ZNF385B: variants seen among roughly 807,000 people sequenced by gnomAD.
ZNF385B encodes the protein zinc finger protein 533.
A neutral mutation model predicts 39.2 loss-of-function variants in ZNF385B; 23 were observed. The observed-to-expected ratio is 0.59, with a 90% CI of 0.42 to 0.83. The LOEUF (loss-of-function observed/expected upper bound fraction) is 0.83. ZNF385B is among the 40% of genes least tolerant of loss of function. The pLI is 0.00. For synonymous variants in ZNF385B, 205 were observed against 222.6 expected (o/e 0.92, Z 0.70); for missense variants, 552 against 598.9 (o/e 0.92, Z 0.82).
intron 3 of ZNF385B, among the ~76,000 whole-genome samples, chr2:179,631,782 G>A (rs896292332): frequency 1.3e-5 from 2 of 152,104 alleles, no homozygotes; most frequent in African/African-American, 4.8e-5. Context: ...CCCAGCTCAT[G>A]TGCAAACTCA....
intron 3 of ZNF385B, among the ~76,000 whole-genome samples, chr2:179,676,079 C>A (rs1003791923): frequency 1.3e-5 from 2 of 150,766 alleles, no homozygotes; most frequent in African/African-American, 2.4e-5. Flanking sequence ...TGAGCCACTG[C>A]GCCTGGCCAA....
chr2:179,771,928 T>A (rs562995824), intron 1 of ZNF385B, among the ~76,000 whole-genome samples: 1 of 152,282 alleles, frequency 6.6e-6, no homozygotes, highest in African/African-American at 2.4e-5. Flanking sequence ...CATTGAAACC[T>A]AAGCTTATAT....
chr2:179,818,760 G>A (rs1041857512), intron 1 of ZNF385B, among the ~76,000 whole-genome samples: 3 of 152,022 alleles, frequency 2.0e-5, no homozygotes, highest in African/African-American at 7.2e-5. Flanking sequence ...GTGACTCACC[G>A]TCTGTCTACT....
At chr2:179,842,595 G>T (rs929798150) in intron 1 of ZNF385B, among the ~76,000 whole-genome samples, 1 of 152,022 alleles carries the variant, frequency 6.6e-6, no homozygotes, top group South Asian at 2.1e-4. Flanking sequence ...GAGTTTCCTT[G>T]TAAGATTTTA....
intron 3 of ZNF385B, among the ~76,000 whole-genome samples, chr2:179,708,976 AT>A (rs542961745): frequency 1.3e-5 from 2 of 152,186 alleles, no homozygotes; most frequent in Non-Finnish European, 2.9e-5. Flanking sequence ...GCTGTTTCCA[AT>A]ACTGCCTCCC....
chr2:179,503,685 T>A lies in ZNF385B; in HGVS notation c.552+14843A>T, dbSNP rs1466748414. 8.7e-5 allele frequency among the ~76,000 whole-genome samples: 13 copies of A among 149,930 alleles called. No individual in the cohort carries two copies. In the East Asian group the frequency reaches 1.2e-3, roughly 14 times the overall value. On this transcript the variant is annotated intron_variant, in intron 5 of 9. Transcript: ENST00000410066. ...ATGTTCCCCTTCCTGTGTCCAAGTGTTCTCATTGTTCAATTCCCACCTATG... is the reference window on the plus strand; with the variant it reads ...ATGTTCCCCTTCCTGTGTCCAAGTGATCTCATTGTTCAATTCCCACCTATG...
chr2:179,678,017 CT>C (rs199844418), intron 3 of ZNF385B, among the ~76,000 whole-genome samples: 17 of 151,192 alleles, frequency 1.1e-4, no homozygotes, highest in African/African-American at 2.7e-4. Context: ...ATAAATAGCT[CT>C]TTTTTTTTCT....
At chr2:179,725,910 GTATATA>G (rs72080859) in intron 3 of ZNF385B, among the ~76,000 whole-genome samples, 47 of 138,816 alleles carry the variant, frequency 3.4e-4, no homozygotes, top group Admixed American at 1.9e-3. Flanking sequence ...GTTTGTGTGT[GTATATA>G]TATATATATA....
At chr2:179,665,300 A>G (rs1442597787) in intron 3 of ZNF385B, among the ~76,000 whole-genome samples, 2 of 152,246 alleles carry the variant, frequency 1.3e-5, no homozygotes, top group African/African-American at 2.4e-5. Context: ...CAGTGACTTA[A>G]TCTTTTCACC....
At chr2:179,680,464 A>T (rs1335653828) in intron 3 of ZNF385B, among the ~76,000 whole-genome samples, 1 of 152,124 alleles carries the variant, frequency 6.6e-6, no homozygotes, top group African/African-American at 2.4e-5. Context: ...GATAGTAGTT[A>T]TCTTTGGAAA....
At chr2:179,537,702 C>T (rs770422112) in intron 4 of ZNF385B, among the ~76,000 whole-genome samples, 48 of 151,574 alleles carry the variant, frequency 3.2e-4, no homozygotes, top group Non-Finnish European at 6.3e-4. Context: ...GATTGTACCA[C>T]TGCATGCTAG....
rs142887599 is a variant in ZNF385B at position 179,665,717 on chromosome 2, G to A, written c.298+103786C>T. On this transcript the variant is annotated intron_variant, in intron 3 of 9. Coordinates refer to ENST00000410066, the MANE Select transcript of ZNF385B (RefSeq NM_152520.6). ...GAGCACCAGCTCCCTTCCTACACTG[G>A]ATAGCAGACGTTCAAATAACGCAAT... 5.7e-3 allele frequency among the ~76,000 whole-genome samples: 861 copies of A among 152,200 alleles called. 5 individuals are homozygous for A. Among genetic ancestry groups the A allele is most frequent in the Non-Finnish European group, 8.4e-3 (569 of 67,998 alleles).
At chr2:179,623,495 T>C (rs1293126415) in intron 3 of ZNF385B, among the ~76,000 whole-genome samples, 1 of 152,118 alleles carries the variant, frequency 6.6e-6, no homozygotes, top group African/African-American at 2.4e-5. Context: ...CTCCACCCCG[T>C]GAATCCTGAA....
chr2:179,790,065 C>T (rs1043339860), intron 1 of ZNF385B, among the ~76,000 whole-genome samples: 1 of 152,142 alleles, frequency 6.6e-6, no homozygotes, highest in Non-Finnish European at 1.5e-5. Context: ...ATGTAAGATT[C>T]TTGATTAGCT....
chr2:179,574,762 C>T (rs1293257988), intron 3 of ZNF385B, among the ~76,000 whole-genome samples: 4 of 152,224 alleles, frequency 2.6e-5, no homozygotes, highest in Non-Finnish European at 5.9e-5. Context: ...CTAACTACTG[C>T]CTTCTCTTAA....
chr2:179,818,245 C>T (rs143231884), intron 1 of ZNF385B, among the ~76,000 whole-genome samples: 1 of 152,098 alleles, frequency 6.6e-6, no homozygotes, highest in Non-Finnish European at 1.5e-5. Context: ...TTAAAATTTG[C>T]CTTTCCGACA....
intron 3 of ZNF385B, among the ~76,000 whole-genome samples, chr2:179,688,027 T>A (rs1698058042): frequency 1.3e-5 from 2 of 152,210 alleles, no homozygotes; most frequent in Admixed American, 1.3e-4. Context: ...GTGGTCTTTC[T>A]AATCCTCTAG....
chr2:179,475,443 G>T lies in ZNF385B; in HGVS notation c.715+7829C>A, dbSNP rs528300086. Among the ~76,000 whole-genome samples the T allele has an allele frequency of 2.6e-5, 4 of 151,762 alleles. No individual in the cohort carries two copies. In the South Asian group the frequency reaches 8.3e-4, roughly 32 times the overall value. Reference sequence around the variant, plus strand: ...ATTTTTGTATTTTTAGTAAAGACAGGGTTTCACCACATTGGCCAGGCTGGT... The same window carrying T: ...ATTTTTGTATTTTTAGTAAAGACAGTGTTTCACCACATTGGCCAGGCTGGT... On this transcript the variant is annotated intron_variant, in intron 6 of 9. Coordinates refer to ENST00000410066, the MANE Select transcript of ZNF385B (RefSeq NM_152520.6).
chr2:179,683,687 G>A (rs1697708547), intron 3 of ZNF385B, among the ~76,000 whole-genome samples: 1 of 152,018 alleles, frequency 6.6e-6, no homozygotes, highest in South Asian at 2.1e-4. Flanking sequence ...TGTTGGCTAG[G>A]CTAGTCTCGA....
Sources: allele counts gnomAD v4.1 joint callset (sites outside exome capture counted in the v4.1 genomes callset), GRCh38; gene constraint gnomAD v4.1.1; transcripts MANE v1.5; gene names NCBI Gene and HGNC (gene_info 2026-07-23, HGNC 2026-07-21).